Variants in IGF1R observed in about 807,000 individuals in gnomAD.
IGF1R encodes insulin like growth factor 1 receptor.
In IGF1R, 44 loss-of-function variants were observed where a neutral mutation model predicts 144.6. The observed-to-expected ratio is 0.30, with a 90% confidence interval of 0.24 to 0.39. IGF1R has a LOEUF of 0.39. Ranked by LOEUF, IGF1R falls within the 10% of genes least tolerant of loss-of-function variation. The probability of loss-of-function intolerance (pLI) is 1.00; values close to 1 mark genes in which losing one functional copy is unlikely to be tolerated. For synonymous variants in IGF1R, 795 were observed against 722.8 expected, an observed-to-expected ratio of 1.10 and a Z score of -1.60; for missense variants, 1,355 against 1,833.7, an observed-to-expected ratio of 0.74 and a Z score of 4.77.
intron 2 of IGF1R, among the ~76,000 whole-genome samples, chr15:98,870,981 G>A (rs879876221): frequency 7.9e-5 from 12 of 152,226 alleles, no homozygotes; most frequent in Non-Finnish European, 1.5e-4. Context: ...GCAGTCTGAC[G>A]GCTGCACCAG....
intron 2 of IGF1R, among the ~76,000 whole-genome samples, chr15:98,726,005 G>T (rs2054351401): frequency 6.6e-6 from 1 of 152,188 alleles, no homozygotes; most frequent in African/African-American, 2.4e-5. Flanking sequence ...TTCAAGTTGA[G>T]ATTTGGGCGG....
In IGF1R at chr15:98,785,955, C is replaced by T. The variant is rs544361077; in HGVS notation, c.640+77848C>T. ...GTCTGCTGAAAGAGTCAGTTGGTTG[C>T]GGCTGTCTAATCCAATTATGGATGG... On this transcript the variant is annotated intron_variant, in intron 2 of 20. Transcript: ENST00000650285. 9.2e-5 allele frequency among the ~76,000 whole-genome samples: 14 copies of T among 152,278 alleles called. No homozygotes were observed. In the South Asian group the frequency reaches 1.7e-3, roughly 18 times the overall value.
chr15:98,700,450 A>G (rs1007716070), intron 1 of IGF1R, among the ~76,000 whole-genome samples: 1 of 152,100 alleles, frequency 6.6e-6, no homozygotes, highest in Non-Finnish European at 1.5e-5. Context: ...TTCCTAGGGC[A>G]GTGGGTCTCA....
intron 2 of IGF1R, among the ~76,000 whole-genome samples, chr15:98,774,188 T>C (rs11857362): frequency 0.12 from 18,789 of 152,142 alleles, 1,272 homozygotes; most frequent in Middle Eastern, 0.2. Context: ...TCCCTTCAAA[T>C]CAGATCAAGT....
intron 15 of IGF1R, among the ~76,000 whole-genome samples, chr15:98,931,231 G>A (rs987532437): frequency 2.6e-5 from 4 of 152,064 alleles, no homozygotes; most frequent in East Asian, 1.9e-4. Flanking sequence ...GGGCTGGACC[G>A]GATTCATCAA....
At chr15:98,741,827 C>T (rs4966021) in intron 2 of IGF1R, among the ~76,000 whole-genome samples, 81,049 of 152,082 alleles carry the variant, frequency 0.53, 22,897 homozygotes, top group Non-Finnish European at 0.63. Flanking sequence ...TCTCCTCCTC[C>T]ATGGGGATTT....
At chr15:98,711,395 A>G (rs537381853) in intron 2 of IGF1R, among the ~76,000 whole-genome samples, 1 of 152,080 alleles carries the variant, frequency 6.6e-6, no homozygotes, top group South Asian at 2.1e-4. Flanking sequence ...TTCACTTGGC[A>G]CTGTCCTTTA....
intron 13 of IGF1R, among the ~76,000 whole-genome samples, chr15:98,925,740 C>G (rs536699444): frequency 3.3e-5 from 5 of 152,280 alleles, no homozygotes; most frequent in African/African-American, 1.2e-4. Flanking sequence ...CCCGTCTCTA[C>G]TAAAAATAAA....
At chr15:98,824,723 T>TA (rs1188522493) in intron 2 of IGF1R, among the ~76,000 whole-genome samples, 2 of 152,184 alleles carry the variant, frequency 1.3e-5, no homozygotes, top group Non-Finnish European at 2.9e-5. Context: ...GATCATCACT[T>TA]ACTAGCTAAC....
At chr15:98,853,172 C>G (rs558642425) in intron 2 of IGF1R, among the ~76,000 whole-genome samples, 1 of 152,228 alleles carries the variant, frequency 6.6e-6, no homozygotes, top group South Asian at 2.1e-4. Flanking sequence ...TGAATCCTTT[C>G]CCTATTCCTA....
At chr15:98,827,347 C>A (rs1263000661) in intron 2 of IGF1R, among the ~76,000 whole-genome samples, 1 of 152,122 alleles carries the variant, frequency 6.6e-6, no homozygotes, top group Non-Finnish European at 1.5e-5. Flanking sequence ...GAATGTATAC[C>A]ATGAAGACCC....
chr15:98,665,624 T>A (rs2052717437), intron 1 of IGF1R, among the ~76,000 whole-genome samples: 1 of 152,206 alleles, frequency 6.6e-6, no homozygotes. Flanking sequence ...TTAGATTAAG[T>A]ATCTGCAACA....
At position 98,908,701 on chromosome 15, in the gene IGF1R, G is replaced by A. The variant is rs752186919; in HGVS notation, c.1264G>A (p.Val422Ile). Reference sequence around the variant, plus strand: ...TGCTTCTAGGAATTACTCCTTCTACGTCCTCGACAACCAGAACTTGCAGCA... The same window carrying A: ...TGCTTCTAGGAATTACTCCTTCTACATCCTCGACAACCAGAACTTGCAGCA... ...EQLEGNYSFY[V>I]LDNQNLQQLW... The change falls in exon 6 of 21, where the codon GTC (valine) becomes ATC (isoleucine). Residue 422 changes from valine (V) to isoleucine (I), a missense_variant. Around this residue, in one of 7 missense-constraint regions of IGF1R, gnomAD observed 880 missense variants for 1,202.7 expected, o/e 0.73. Coordinates refer to ENST00000650285, the MANE Select transcript of IGF1R (RefSeq NM_000875.5). The A allele has an allele frequency of 6.2e-7, 1 of 1,613,956 alleles. No individual in the cohort carries two copies. Among genetic ancestry groups the A allele is most frequent in the South Asian group, 1.1e-5 (1 of 91,040 alleles).
rs553456346 is a variant in IGF1R at position 98,904,058 on chromosome 15, T to C, written c.1247+4437T>C. On this transcript the variant is annotated intron_variant, in intron 5 of 20. Transcript: ENST00000650285. Reference sequence around the variant, plus strand: ...ATGGAATGATGGGTGAATTTTTTTTTTTTTTTTTTTTTGAGATGGAGTCTC... The same window carrying C: ...ATGGAATGATGGGTGAATTTTTTTTCTTTTTTTTTTTTGAGATGGAGTCTC... Among the ~76,000 whole-genome samples, 8 of 149,552 alleles carry C rather than the reference T, an allele frequency of 5.3e-5. No individual in the cohort carries two copies. The East Asian group carries it at 1.6e-3, about 29-fold the overall frequency.
intron 2 of IGF1R, chr15:98,880,951 C>G (rs924964007): frequency 6.6e-6 from 1 of 152,220 alleles, no homozygotes; most frequent in African/African-American, 2.4e-5. Context: ...CAGTTCCACC[C>G]AAACAAGTCT....
At chr15:98,783,111 CT>C (rs1436721485) in intron 2 of IGF1R, among the ~76,000 whole-genome samples, 4 of 152,086 alleles carry the variant, frequency 2.6e-5, no homozygotes, top group Non-Finnish European at 5.9e-5. Flanking sequence ...AGACCTCCCC[CT>C]GCCCCCATTA....
intron 2 of IGF1R, among the ~76,000 whole-genome samples, chr15:98,810,991 A>G (rs1399995746): frequency 2.6e-5 from 4 of 151,974 alleles, no homozygotes; most frequent in African/African-American, 9.6e-5. Flanking sequence ...TCTGTAGACA[A>G]CCTAGAATGT....
chr15:98,895,026 A>AG (rs2014112440), intron 3 of IGF1R, among the ~76,000 whole-genome samples: 1 of 151,892 alleles, frequency 6.6e-6, no homozygotes, highest in Non-Finnish European at 1.5e-5. Flanking sequence ...GTCTCAAAAA[A>AG]AAAAAAAAAG....
chr15:98,671,028 G>A (rs1596164107), intron 1 of IGF1R, among the ~76,000 whole-genome samples: 2 of 152,054 alleles, frequency 1.3e-5, no homozygotes, highest in South Asian at 2.1e-4. Context: ...CTTTTCCCTC[G>A]ATCCACATAG....
Sources: allele counts gnomAD v4.1 joint callset (sites outside exome capture counted in the v4.1 genomes callset), GRCh38; gene constraint gnomAD v4.1.1; regional missense constraint gnomAD v4.1.1; transcripts MANE v1.5; gene names NCBI Gene and HGNC (gene_info 2026-07-23, HGNC 2026-07-21).